The following INTS6 variants were observed in gnomAD, a reference collection of about 807,000 sequenced individuals.
INTS6 encodes DEAD box protein.
In INTS6, 16 loss-of-function variants were observed where a neutral mutation model predicts 104.9. The ratio of observed to expected loss-of-function variants is 0.15; its 90% CI spans 0.10 to 0.23. INTS6 has a LOEUF of 0.23. Among genes scored for constraint, INTS6 ranks in the 10% least tolerant of loss-of-function variants. The pLI is 1.00. For synonymous variants in INTS6, 324 were observed against 358.7 expected, an observed-to-expected ratio of 0.90 and a Z score of 1.09; for missense variants, 584 against 1,062.8, an observed-to-expected ratio of 0.55 and a Z score of 6.26.
In INTS6 at chr13:51,374,697, C is replaced by T. The variant is rs371390914; in HGVS notation, c.1829G>A (p.Arg610Gln). ...PLRELDPDQP[R>Q]RLHTFGNPFK... Reference sequence around the variant, plus strand: ...GGGGTTGCCAAATGTATGCAACCTTCGTGGCTGATCAGGATCAAGTTCTCT... The same window carrying T: ...GGGGTTGCCAAATGTATGCAACCTTTGTGGCTGATCAGGATCAAGTTCTCT... The change falls in exon 14 of 18, where the codon CGA (arginine) becomes CAA (glutamine). Residue 610 changes from arginine to glutamine, a missense_variant. This residue lies in a region of INTS6 where 296 missense variants were observed against 437.0 expected (regional missense o/e 0.68). Coordinates refer to ENST00000311234, the MANE Select transcript of INTS6 (RefSeq NM_012141.3). The T allele has an allele frequency of 1.2e-6, 2 of 1,613,222 alleles. No homozygotes were observed. Among genetic ancestry groups the T allele is most frequent in the Non-Finnish European group, 1.7e-6 (2 of 1,179,958 alleles).
At chr13:51,450,036 T>C (rs1416992872) in intron 3 of INTS6, 3 of 984,950 alleles carry the variant, frequency 3.0e-6, no homozygotes, top group Admixed American at 6.1e-5. Context: ...TTTCCTTCAA[T>C]AGGAAGCAAA....
chr13:51,443,156 A>G (rs2138147871), intron 3 of INTS6: 1 of 152,342 alleles, frequency 6.6e-6, no homozygotes, highest in East Asian at 1.9e-4. Flanking sequence ...CTGTTCTATC[A>G]CCAATTACAA....
chr13:51,366,409 A>G (rs1237662430), intron 17 of INTS6, among the ~76,000 whole-genome samples: 2 of 152,038 alleles, frequency 1.3e-5, no homozygotes, highest in Non-Finnish European at 2.9e-5. Context: ...TTAAAGTTCA[A>G]GTAACAACTT....
chr13:51,347,295 G>T, the INTS6 span: 1 of 1,435,170 alleles, frequency 7.0e-7, no homozygotes, highest in Non-Finnish European at 9.7e-7. Flanking sequence ...GAGGGCAGGA[G>T]AGAGGAGGCC....
At chr13:51,449,531 G>A (rs1013473596) in intron 3 of INTS6, 3 of 984,970 alleles carry the variant, frequency 3.0e-6, no homozygotes, top group Non-Finnish European at 3.6e-6. Flanking sequence ...ATGTCCAAAT[G>A]CCTTGACCAC....
At chr13:51,396,005 C>T (rs1471485751) in intron 4 of INTS6, among the ~76,000 whole-genome samples, 1 of 152,018 alleles carries the variant, frequency 6.6e-6, no homozygotes, top group African/African-American at 2.4e-5. Context: ...GCCATGTTGA[C>T]CAGGATGGTC....
chr13:51,377,780 G>A (rs1473185793), intron 12 of INTS6, among the ~76,000 whole-genome samples: 2 of 152,008 alleles, frequency 1.3e-5, no homozygotes, highest in Non-Finnish European at 2.9e-5. Flanking sequence ...TTCTAAAATT[G>A]TTTTGGCTAT....
chr13:51,451,314 C>G, intron 2 of INTS6, 140 bp from the exon 3 acceptor site: 1 of 512,378 alleles, frequency 2.0e-6, no homozygotes, highest in Non-Finnish European at 3.1e-6. Context: ...TGTACCGCTG[C>G]TGAGGAAACT....
chr13:51,431,418 A>ACATTCTTCATTTCTAACATGAAGAATT (rs1442571888), intron 3 of INTS6, among the ~76,000 whole-genome samples: 6 of 152,284 alleles, frequency 3.9e-5, no homozygotes, highest in Admixed American at 2.0e-4. Context: ...TGGGATGAAG[A>ACATTCTTCATTTCTAACATGAAGAATT]CTAAGATTCT....
chr13:51,395,090 T>C (rs1956311796), intron 5 of INTS6, among the ~76,000 whole-genome samples: 1 of 152,220 alleles, frequency 6.6e-6, no homozygotes, highest in Non-Finnish European at 1.5e-5. Context: ...AATATTACCA[T>C]TCCTTGTCAT....
At chr13:51,373,353 ACATT>A (rs1955852575) in intron 15 of INTS6, among the ~76,000 whole-genome samples, 1 of 152,222 alleles carries the variant, frequency 6.6e-6, no homozygotes, top group East Asian at 1.9e-4. Context: ...GGGTTTCCCT[ACATT>A]CATTCTTGCT....
chr13:51,377,996 C>T (rs778927520), intron 12 of INTS6, among the ~76,000 whole-genome samples: 5 of 152,068 alleles, frequency 3.3e-5, no homozygotes, highest in Non-Finnish European at 5.9e-5. Context: ...ATTTCTAAAC[C>T]TCTGTTTTCT....
intron 3 of INTS6, chr13:51,450,240 C>A (rs1953007549): frequency 2.0e-6 from 2 of 984,428 alleles, no homozygotes; most frequent in Middle Eastern, 5.2e-4. Flanking sequence ...TGTTCAGTAT[C>A]TTTTATTTCC....
chr13:51,383,538 T>A, intron 8 of INTS6, 51 bp downstream of exon 8: 1 of 1,603,860 alleles, frequency 6.2e-7, no homozygotes, highest in Non-Finnish European at 8.5e-7. Flanking sequence ...TTCAGCTTTT[T>A]AAGAAATGCC....
intron 5 of INTS6, among the ~76,000 whole-genome samples, chr13:51,393,684 G>A (rs1956285313): frequency 1.3e-5 from 2 of 152,298 alleles, no homozygotes; most frequent in South Asian, 4.1e-4. Flanking sequence ...TCTTGACTAA[G>A]ATTTCTGCAT....
intron 3 of INTS6, chr13:51,450,042 G>C (rs922427621): frequency 1.0e-6 from 1 of 985,024 alleles, no homozygotes; most frequent in Non-Finnish European, 1.2e-6. Context: ...TCAATAGGAA[G>C]CAAATAAAAG....
At chr13:51,378,207 A>G in intron 12 of INTS6, 32 bp downstream of exon 12, 3 of 1,461,336 alleles carry the variant, frequency 2.1e-6, no homozygotes, top group Non-Finnish European at 2.9e-6. Flanking sequence ...AACAGAACAT[A>G]ACTAGAGTAG....
At chr13:51,428,336 T>C (rs1364225360) in intron 4 of INTS6, among the ~76,000 whole-genome samples, 1 of 150,650 alleles carries the variant, frequency 6.6e-6, no homozygotes, top group Non-Finnish European at 1.5e-5. Flanking sequence ...CTTTTTTTTT[T>C]TTTTTTGAGA....
chr13:51,344,107 TCAAACTGGC>T, the INTS6 span: 1 of 656,566 alleles, frequency 1.5e-6, no homozygotes, highest in Non-Finnish European at 2.7e-6. Flanking sequence ...TATGACTTTT[TCAAACTGGC>T]TTTGTATGGT....
Sources: allele counts gnomAD v4.1 joint callset (sites outside exome capture counted in the v4.1 genomes callset), GRCh38; gene constraint gnomAD v4.1.1; regional missense constraint gnomAD v4.1.1; transcripts MANE v1.5; gene names NCBI Gene and HGNC (gene_info 2026-07-23, HGNC 2026-07-21).